Variants in BMPR2 observed in about 807,000 individuals in gnomAD.
The protein encoded by BMPR2 is bone morphogenetic protein receptor type 2, also known as bone morphogenetic protein receptor type-2.
Under a neutral mutation model 100.8 loss-of-function variants are expected in BMPR2, and 29 were observed. That is an observed-to-expected ratio of 0.29 (90% CI 0.21 to 0.39). The LOEUF (loss-of-function observed/expected upper bound fraction) is 0.39. Among genes scored for constraint, BMPR2 ranks in the 10% least tolerant of loss-of-function variants. BMPR2 has a pLI of 1.00. For synonymous variants in BMPR2, 382 were observed against 442.3 expected (o/e 0.86, Z 1.71); for missense variants, 1,011 against 1,274.5 (o/e 0.79, Z 3.15).
At chr2:202,510,322 C>T (rs1379773732) in intron 3 of BMPR2, among the ~76,000 whole-genome samples, 2 of 152,132 alleles carry the variant, frequency 1.3e-5, no homozygotes, top group African/African-American at 4.8e-5. Flanking sequence ...GAGTCTGAGG[C>T]AGAAAAATCA....
At chr2:202,379,869 T>TCTTTC (rs1553492614) in intron 1 of BMPR2, among the ~76,000 whole-genome samples, 2 of 151,384 alleles carry the variant, frequency 1.3e-5, no homozygotes, top group Admixed American at 6.6e-5. Context: ...TTTCTTTCTT[T>TCTTTC]TTTGTTCAGA....
At chr2:202,443,445 A>G (rs1489326883) in intron 1 of BMPR2, among the ~76,000 whole-genome samples, 1 of 150,634 alleles carries the variant, frequency 6.6e-6, no homozygotes, top group East Asian at 1.9e-4. Flanking sequence ...ACAAGGGTCA[A>G]GGATTCCAAT....
intron 5 of BMPR2, among the ~76,000 whole-genome samples, chr2:202,516,741 TGAAA>T (rs1687720669): frequency 6.6e-6 from 1 of 152,122 alleles, no homozygotes; most frequent in African/African-American, 2.4e-5. Flanking sequence ...TTTACAAGGC[TGAAA>T]GAAATACTAG....
chr2:202,442,407 T>C (rs1691766608), intron 1 of BMPR2, among the ~76,000 whole-genome samples: 1 of 150,688 alleles, frequency 6.6e-6, no homozygotes, highest in Non-Finnish European at 1.5e-5. Flanking sequence ...ATCCATGTTT[T>C]AGCGTATATC....
intron 1 of BMPR2, among the ~76,000 whole-genome samples, chr2:202,428,633 C>T (rs543713692): frequency 6.6e-6 from 1 of 152,166 alleles, no homozygotes; most frequent in South Asian, 2.1e-4. Flanking sequence ...TCCTGAACTC[C>T]TGGGCTGAAG....
At chr2:202,484,968 CAAAAAAA>C (rs747890922) in intron 3 of BMPR2, among the ~76,000 whole-genome samples, 3 of 59,864 alleles carry the variant, frequency 5.0e-5, no homozygotes, top group South Asian at 7.2e-4. Flanking sequence ...GACTCCGTCT[CAAAAAAA>C]AAAAAAAAAA....
At chr2:202,485,097 G>T (rs1464908681) in intron 3 of BMPR2, among the ~76,000 whole-genome samples, 1 of 151,986 alleles carries the variant, frequency 6.6e-6, no homozygotes, top group Admixed American at 6.6e-5. Flanking sequence ...AAAGTGCTGG[G>T]ATTACAGACA....
rs147943794 is a variant in BMPR2 at position 202,555,527 on chromosome 2, C to A, written c.1862C>A (p.Thr621Lys). ...ACAACCACAAACACCACAGGACTCA[C>A]GCCAAGTACTGGCATGACTACTATA... ...NTTTTNTTGL[T>K]PSTGMTTISE... The change falls in exon 12 of 13, where the codon ACG (threonine) becomes AAG (lysine). Residue 621 changes from threonine to lysine, a missense_variant. This residue lies in a region of BMPR2 where 508 missense variants were observed against 552.0 expected (regional missense o/e 0.92). Coordinates refer to ENST00000374580, the MANE Select transcript of BMPR2 (RefSeq NM_001204.7). 56 of 1,614,034 alleles carry A rather than the reference C, an allele frequency of 3.5e-5. No individual in the cohort carries two copies. The highest frequency in any genetic ancestry group is 8.3e-5 in the Admixed American group (5 of 60,000).
chr2:202,548,526 A>G (rs1688416283), intron 10 of BMPR2, among the ~76,000 whole-genome samples: 1 of 152,014 alleles, frequency 6.6e-6, no homozygotes, highest in Middle Eastern at 3.4e-3. Flanking sequence ...CACCTACTCT[A>G]TGTCCTAGTG....
At chr2:202,497,162 G>A (rs1693051614) in intron 3 of BMPR2, among the ~76,000 whole-genome samples, 1 of 152,214 alleles carries the variant, frequency 6.6e-6, no homozygotes, top group Admixed American at 6.5e-5. Flanking sequence ...CAGGGCTCGG[G>A]CCTGCAGCCC....
intron 1 of BMPR2, among the ~76,000 whole-genome samples, chr2:202,418,268 C>T (rs1691179348): frequency 6.6e-6 from 1 of 152,046 alleles, no homozygotes; most frequent in South Asian, 2.1e-4. Context: ...AGTGATTTGC[C>T]CAATATAATA....
chr2:202,520,154 C>T lies in BMPR2; in HGVS notation c.920C>T (p.Ser307Phe). Residue 307 changes from serine to phenylalanine, a missense_variant, in exon 7 of 13, where the codon TCT becomes TTT. Physicochemically the swap from Ser to Phe is radical, Grantham distance 155. Around this residue, in one of 6 missense-constraint regions of BMPR2, gnomAD observed 355 missense variants for 455.3 expected, o/e 0.78. Coordinates refer to ENST00000374580, the MANE Select transcript of BMPR2 (RefSeq NM_001204.7). ...DWVSSCRLAH[S>F]VTRGLAYLHT... ...GTAAGCTCTTGCCGTCTTGCTCATT[C>T]TGTTACTAGAGGACTGGCTTATCTT... 1.2e-6 allele frequency: 2 copies of T among 1,612,784 alleles called. No individual in the cohort carries two copies. Among genetic ancestry groups the T allele is most frequent in the South Asian group, 2.2e-5 (2 of 91,058 alleles).
chr2:202,534,197 CAT>C (rs1007532397), intron 9 of BMPR2, among the ~76,000 whole-genome samples: 120 of 145,032 alleles, frequency 8.3e-4, no homozygotes, highest in African/African-American at 2.4e-3. Flanking sequence ...CACACACACA[CAT>C]ATATATGTAT....
At chr2:202,515,679 C>T (rs942845480) in intron 5 of BMPR2, among the ~76,000 whole-genome samples, 4 of 152,008 alleles carry the variant, frequency 2.6e-5, no homozygotes, top group Admixed American at 6.6e-5. Context: ...CACTTGAGGT[C>T]AGGAGTTCAA....
chr2:202,550,242 G>A (rs1319632839), intron 10 of BMPR2, among the ~76,000 whole-genome samples: 1 of 151,846 alleles, frequency 6.6e-6, no homozygotes. Flanking sequence ...GTGTGGTGGC[G>A]GGTGCCTGTA....
intron 1 of BMPR2, among the ~76,000 whole-genome samples, chr2:202,380,099 C>G (rs1169180222): frequency 6.6e-6 from 1 of 151,768 alleles, no homozygotes; most frequent in Non-Finnish European, 1.5e-5. Context: ...AACTCCTGAC[C>G]TCGTGATCCA....
intron 1 of BMPR2, among the ~76,000 whole-genome samples, chr2:202,406,369 CTTTGT>C (rs1197904265): frequency 6.6e-6 from 1 of 152,110 alleles, no homozygotes; most frequent in Non-Finnish European, 1.5e-5. Flanking sequence ...GATGCTCTTA[CTTTGT>C]TTTGTTTTGA....
chr2:202,464,769 C>G, intron 1 of BMPR2, 40 bp from the exon 2 acceptor site: 1 of 1,556,734 alleles, frequency 6.4e-7, no homozygotes, highest in Non-Finnish European at 8.8e-7. Context: ...ATTTTGAAAA[C>G]ATTAAATAAT....
At chr2:202,520,891 G>C (rs1381464320) in intron 7 of BMPR2, 2 of 153,822 alleles carry the variant, frequency 1.3e-5, no homozygotes, top group South Asian at 2.0e-4. Context: ...GTTACCAGAA[G>C]AAAAACAGCT....
Sources: gnomAD v4.1 joint callset for allele counts (sites outside exome capture counted in the v4.1 genomes callset) on GRCh38, gnomAD v4.1.1 for gene constraint, gnomAD v4.1.1 regional missense constraint, MANE v1.5 for transcripts, NCBI Gene and HGNC (gene_info 2026-07-23, HGNC 2026-07-21) for gene names.